The following USP32 variants were observed in gnomAD, a reference collection of about 807,000 sequenced individuals.
USP32 encodes ubiquitin specific peptidase 32, also known as ubiquitin carboxyl-terminal hydrolase 32.
Under a neutral mutation model 204.8 loss-of-function variants are expected in USP32, and 59 were observed. The observed-to-expected ratio is 0.29, with a 90% CI of 0.23 to 0.36. The LOEUF (loss-of-function observed/expected upper bound fraction) is 0.36, where lower values mean the gene tolerates loss of function less well. Ranked by LOEUF, USP32 falls within the 10% of genes least tolerant of loss-of-function variation. The pLI is 1.00. For missense variants in USP32, 1,160 were observed against 1,946.4 expected (o/e 0.60, Z 7.60); for synonymous variants, 517 against 678.4 (o/e 0.76, Z 3.70).
chr17:60,352,466 G>A (rs2088971607), intron 1 of USP32, among the ~76,000 whole-genome samples: 1 of 152,174 alleles, frequency 6.6e-6, no homozygotes, highest in African/African-American at 2.4e-5. Flanking sequence ...AGATTTACGT[G>A]TGAGAAAAAT....
At chr17:60,347,621 G>A (rs2088821473) in intron 1 of USP32, among the ~76,000 whole-genome samples, 1 of 151,248 alleles carries the variant, frequency 6.6e-6, no homozygotes, top group Non-Finnish European at 1.5e-5. Flanking sequence ...CCAAAGTGCT[G>A]GGATTACAGG....
At chr17:60,279,823 C>G (rs56414087) in intron 5 of USP32, among the ~76,000 whole-genome samples, 1 of 150,394 alleles carries the variant, frequency 6.6e-6, no homozygotes, top group African/African-American at 2.4e-5. Context: ...GGCAACAGAG[C>G]CAGAGCCTGT....
chr17:60,422,064 G>A, intron 1 of USP32: 1 of 564,078 alleles, frequency 1.8e-6, no homozygotes, highest in Non-Finnish European at 2.2e-6. Context: ...CAACTTCCTG[G>A]AGGCCGCAGG....
intron 2 of USP32, among the ~76,000 whole-genome samples, chr17:60,308,329 C>A (rs893751186): frequency 1.3e-5 from 2 of 152,154 alleles, no homozygotes; most frequent in African/African-American, 4.8e-5. Context: ...CTAGATGCTG[C>A]CCCTGGTGTC....
chr17:60,226,278 C>T (rs1280081821), intron 12 of USP32, 47 bp from the exon 13 acceptor site: 2 of 1,467,006 alleles, frequency 1.4e-6, no homozygotes, highest in African/African-American at 2.9e-5. Context: ...TATAATCTGA[C>T]AACTATGTAG....
chr17:60,273,360 G>T (rs1173725348), intron 5 of USP32, among the ~76,000 whole-genome samples: 1 of 152,152 alleles, frequency 6.6e-6, no homozygotes, highest in Non-Finnish European at 1.5e-5. Flanking sequence ...AGCTGAAGTG[G>T]AAACACATTG....
intron 2 of USP32, among the ~76,000 whole-genome samples, chr17:60,335,294 C>T (rs2088489880): frequency 7.0e-6 from 1 of 142,394 alleles, no homozygotes; most frequent in Non-Finnish European, 1.5e-5. Context: ...TGCCTGAGTC[C>T]CTGCAAATAT....
At chr17:60,198,502 T>C in intron 26 of USP32, 58 bp from the exon 27 acceptor site, 2 of 1,586,648 alleles carry the variant, frequency 1.3e-6, no homozygotes, top group Non-Finnish European at 1.7e-6. Flanking sequence ...ATTCCTCCCT[T>C]TAGTTCTTCT....
chr17:60,311,479 TATAAC>T (rs922033083), intron 2 of USP32, among the ~76,000 whole-genome samples: 3 of 152,150 alleles, frequency 2.0e-5, no homozygotes, highest in Non-Finnish European at 2.9e-5. Flanking sequence ...GAAAAAGACT[TATAAC>T]ATACCAAAAA....
At chr17:60,377,983 A>AT (rs1252266448) in intron 1 of USP32, among the ~76,000 whole-genome samples, 3 of 152,244 alleles carry the variant, frequency 2.0e-5, no homozygotes, top group African/African-American at 7.2e-5. Flanking sequence ...CAATCCACAG[A>AT]TATTAATATA....
At chr17:60,381,439 T>TC (rs2089645448) in intron 1 of USP32, among the ~76,000 whole-genome samples, 1 of 125,390 alleles carries the variant, frequency 8.0e-6, no homozygotes, top group African/African-American at 3.8e-5. Flanking sequence ...AGACCCTGTC[T>TC]CAAAAAAAAA....
At chr17:60,197,144 T>TA (rs1383255649) in intron 27 of USP32, among the ~76,000 whole-genome samples, 2 of 150,760 alleles carry the variant, frequency 1.3e-5, no homozygotes, top group African/African-American at 4.9e-5. Context: ...CACACCACTG[T>TA]ACTCCAGCCT....
intron 1 of USP32, among the ~76,000 whole-genome samples, chr17:60,404,927 A>G (rs2089963687): frequency 6.6e-6 from 1 of 152,172 alleles, no homozygotes; most frequent in Non-Finnish European, 1.5e-5. Context: ...CTGTAATCCC[A>G]GCACTTTGGG....
rs375508233 is a variant in USP32, at chr17:60,183,944, A to C, written c.3835-491T>G. Among the ~76,000 whole-genome samples, 112 of 152,202 alleles carry C rather than the reference A, an allele frequency of 7.4e-4. 3 individuals carry two copies. The South Asian group carries it at 0.023, about 31-fold the overall frequency. ...AAAATTCATCAAACTGGATATTAAA[A>C]ATCTATGCTTTTAATTGTATGCTAA... On this transcript the variant is annotated intron_variant, in intron 30 of 33. Transcript: ENST00000300896.
At chr17:60,227,271 CT>C (rs376585619) in intron 12 of USP32, among the ~76,000 whole-genome samples, 111 of 122,850 alleles carry the variant, frequency 9.0e-4, no homozygotes, top group Middle Eastern at 4.1e-3. Context: ...TTCTTTTTTT[CT>C]TTTTTTTTTT....
At chr17:60,284,376 G>A (rs2087055685) in intron 5 of USP32, among the ~76,000 whole-genome samples, 1 of 151,564 alleles carries the variant, frequency 6.6e-6, no homozygotes, top group Non-Finnish European at 1.5e-5. Flanking sequence ...ACCATGGTTG[G>A]CTAATTTTTG....
chr17:60,389,369 C>T (rs1370334989), intron 1 of USP32, among the ~76,000 whole-genome samples: 1 of 151,912 alleles, frequency 6.6e-6, no homozygotes, highest in African/African-American at 2.4e-5. Context: ...TGATGAAACC[C>T]CATCTCTACT....
chr17:60,371,253 T>TAAAAA (rs373242290), intron 1 of USP32, among the ~76,000 whole-genome samples: 2 of 66,260 alleles, frequency 3.0e-5, no homozygotes, highest in Admixed American at 1.7e-4. Context: ...CTCTAAAAAT[T>TAAAAA]AAAAAAAAAA....
rs2084001218 is a variant in USP32, at chr17:60,177,702, T to G, written c.*1553A>C. Among the ~76,000 whole-genome samples the G allele has an allele frequency of 6.6e-6, 1 of 152,234 alleles. No homozygotes were observed. The highest frequency in any genetic ancestry group is 1.5e-5 in the Non-Finnish European group (1 of 68,026). ...TTAGGCCAGTCCTACCTACTTGCAA[T>G]TATATTTTTTCTGAAAAGGATTTCA... On this transcript the variant is annotated 3_prime_UTR_variant, in exon 34 of 34. Transcript: ENST00000300896.
Sources: allele counts gnomAD v4.1 joint callset (sites outside exome capture counted in the v4.1 genomes callset), GRCh38; gene constraint gnomAD v4.1.1; transcripts MANE v1.5; gene names NCBI Gene and HGNC (gene_info 2026-07-23, HGNC 2026-07-21).